PTPRN2: variants seen among roughly 807,000 people sequenced by gnomAD.
The protein encoded by PTPRN2 is protein tyrosine phosphatase receptor type N2, also known as receptor-type tyrosine-protein phosphatase N2.
A neutral mutation model predicts 118.8 loss-of-function variants in PTPRN2; 74 were observed. That is an observed-to-expected ratio of 0.62 (90% CI 0.52 to 0.76). The LOEUF (loss-of-function observed/expected upper bound fraction) is 0.76, where lower values mean the gene tolerates loss of function less well. Among genes scored for constraint, PTPRN2 ranks in the 30% least tolerant of loss-of-function variants. The pLI, the probability that PTPRN2 is intolerant of heterozygous loss-of-function variation, is 0.00. For missense variants in PTPRN2, 1,481 were observed against 1,394.4 expected (o/e 1.06, Z -0.99); for synonymous variants, 641 against 608.0 (o/e 1.05, Z -0.80).
In PTPRN2 at chr7:158,526,424, G is replaced by A. The variant is rs539332470; in HGVS notation, c.113-36639C>T. Among the ~76,000 whole-genome samples, 11 of 152,320 alleles carry A rather than the reference G, an allele frequency of 7.2e-5. No individual in the cohort carries two copies. In the South Asian group the frequency reaches 2.1e-3, roughly 29 times the overall value. ...GCTAGGACGGGGCACAGGCAACCACGTTCCCACAAACACAGGGTCTGGAGG... is the reference window on the plus strand; with the variant it reads ...GCTAGGACGGGGCACAGGCAACCACATTCCCACAAACACAGGGTCTGGAGG... On this transcript the variant is annotated intron_variant, in intron 1 of 22. Coordinates refer to ENST00000389418, the MANE Select transcript of PTPRN2 (RefSeq NM_002847.5). The surrounding 1 kb of genome is among the most constrained non-coding windows in gnomAD (Gnocchi z 5.2).
intron 3 of PTPRN2, among the ~76,000 whole-genome samples, chr7:158,245,660 T>G (rs113810073): frequency 0.034 from 5,187 of 152,212 alleles, 120 homozygotes; most frequent in Non-Finnish European, 0.053. Context: ...ACTCTGCACA[T>G]CCAAATTCGC....
chr7:158,233,491 C>A (rs558783778), intron 3 of PTPRN2, among the ~76,000 whole-genome samples: 2 of 152,194 alleles, frequency 1.3e-5, no homozygotes, highest in South Asian at 4.1e-4. Context: ...TCGATACTAC[C>A]CAAAGCAATT....
chr7:158,203,486 C>T (rs917140823), intron 4 of PTPRN2, among the ~76,000 whole-genome samples: 1 of 152,128 alleles, frequency 6.6e-6, no homozygotes, highest in African/African-American at 2.4e-5. Context: ...AGGCGCCTCT[C>T]CATGGTTGTT....
At chr7:158,232,742 G>A (rs764753954) in intron 3 of PTPRN2, among the ~76,000 whole-genome samples, 3 of 152,134 alleles carry the variant, frequency 2.0e-5, no homozygotes, top group Non-Finnish European at 2.9e-5. Context: ...GATCGAGTGG[G>A]ATTCATCCCA....
At chr7:158,138,169 C>T (rs1819011728) in intron 7 of PTPRN2, 125 bp downstream of exon 7, 1 of 815,698 alleles carries the variant, frequency 1.2e-6, no homozygotes. Flanking sequence ...ATCATTAATA[C>T]AGATCCCCAT....
chr7:157,951,401 C>G (rs1316296773), intron 11 of PTPRN2, among the ~76,000 whole-genome samples: 1 of 152,164 alleles, frequency 6.6e-6, no homozygotes, highest in Non-Finnish European at 1.5e-5. Context: ...GGGAACAGCG[C>G]CCGGTGCACA....
intron 4 of PTPRN2, among the ~76,000 whole-genome samples, chr7:158,203,402 G>A (rs1237005320): frequency 6.6e-6 from 1 of 151,976 alleles, no homozygotes; most frequent in African/African-American, 2.4e-5. Context: ...AATAAAACTG[G>A]CACTGTTTTA....
rs1043278723 is a variant in PTPRN2, at chr7:158,555,721, G to A, written c.112+31837C>T. Among the ~76,000 whole-genome samples the A allele has an allele frequency of 3.3e-5, 5 of 152,024 alleles. No individual in the cohort carries two copies. Among genetic ancestry groups the A allele is most frequent in the Non-Finnish European group, 7.4e-5 (5 of 67,998 alleles). ...TCTGAAGGGTAAAGGGAGCTCTTCCGCCAACAGGTGGCCGGTGTTGCTTCC... is the reference window on the plus strand; with the variant it reads ...TCTGAAGGGTAAAGGGAGCTCTTCCACCAACAGGTGGCCGGTGTTGCTTCC... On this transcript the variant is annotated intron_variant, in intron 1 of 22. Coordinates refer to ENST00000389418, the MANE Select transcript of PTPRN2 (RefSeq NM_002847.5). The surrounding 1 kb of genome is among the most constrained non-coding windows in gnomAD (Gnocchi z 4.7).
At chr7:158,488,274 G>T (rs1166162913) in intron 2 of PTPRN2, among the ~76,000 whole-genome samples, 3 of 152,116 alleles carry the variant, frequency 2.0e-5, no homozygotes, top group Non-Finnish European at 2.9e-5. Flanking sequence ...AGCCCCAGGG[G>T]GTCCTAGGCT....
At chr7:158,323,520 G>T (rs951077917) in intron 2 of PTPRN2, among the ~76,000 whole-genome samples, 3 of 152,194 alleles carry the variant, frequency 2.0e-5, no homozygotes, top group African/African-American at 7.2e-5. Context: ...AGGAGCAAAA[G>T]GTTTGCTTAG....
intron 11 of PTPRN2, among the ~76,000 whole-genome samples, chr7:158,070,535 CTCCTGGTGGTGGAGGTGCCCA>C: frequency 9.8e-6 from 1 of 102,350 alleles, no homozygotes; most frequent in African/African-American, 4.3e-5. Context: ...GGTGGAGGTG[CTCCTGGTGGTGGAGGTGCCCA>C]TGGTGGTGGT....
At chr7:158,143,841 G>A (rs1819622093) in intron 6 of PTPRN2, among the ~76,000 whole-genome samples, 1 of 152,156 alleles carries the variant, frequency 6.6e-6, no homozygotes, top group South Asian at 2.1e-4. Context: ...CCACACACTA[G>A]CTTGGCACAG....
chr7:158,083,966 T>C (rs1170689502), intron 10 of PTPRN2, among the ~76,000 whole-genome samples: 1 of 152,268 alleles, frequency 6.6e-6, no homozygotes, highest in Non-Finnish European at 1.5e-5. Context: ...GAAGTCTCTA[T>C]CCCGAGGCCC....
At chr7:158,348,730 C>T (rs983497944) in intron 2 of PTPRN2, among the ~76,000 whole-genome samples, 2 of 152,198 alleles carry the variant, frequency 1.3e-5, no homozygotes, top group Non-Finnish European at 2.9e-5. Flanking sequence ...GAGACCGTCA[C>T]TGTGTCTCCT....
At chr7:158,528,562 G>A (rs1329643819) in intron 1 of PTPRN2, among the ~76,000 whole-genome samples, 3 of 151,842 alleles carry the variant, frequency 2.0e-5, no homozygotes, top group African/African-American at 2.4e-5. Flanking sequence ...TGAGGGGGAC[G>A]GATCAAGAGG....
intron 17 of PTPRN2, among the ~76,000 whole-genome samples, chr7:157,578,832 A>G (rs778180284): frequency 6.6e-6 from 1 of 152,366 alleles, no homozygotes; most frequent in East Asian, 1.9e-4. Flanking sequence ...ACATCTTAAC[A>G]TTTACAGCCT....
At chr7:158,333,948 G>T (rs1247214516) in intron 2 of PTPRN2, among the ~76,000 whole-genome samples, 1 of 49,156 alleles carries the variant, frequency 2.0e-5, no homozygotes, top group African/African-American at 8.4e-5. Context: ...GCTGTCGCCC[G>T]CAGAGGTCAC....
At chr7:158,456,617 A>G (rs1818527981) in intron 2 of PTPRN2, among the ~76,000 whole-genome samples, 1 of 152,388 alleles carries the variant, frequency 6.6e-6, no homozygotes, top group Admixed American at 6.5e-5. Flanking sequence ...CACGGACGCC[A>G]TCGGCCATGG....
At chr7:157,811,468 G>A (rs1343914194) in intron 12 of PTPRN2, among the ~76,000 whole-genome samples, 1 of 151,842 alleles carries the variant, frequency 6.6e-6, no homozygotes, top group Non-Finnish European at 1.5e-5. Flanking sequence ...GTGTACCTGA[G>A]TGTGTTCAAC....
Sources: allele counts gnomAD v4.1 joint callset (sites outside exome capture counted in the v4.1 genomes callset), GRCh38; gene constraint gnomAD v4.1.1; non-coding constraint Gnocchi (gnomAD v3.1); transcripts MANE v1.5; gene names NCBI Gene and HGNC (gene_info 2026-07-23, HGNC 2026-07-21).